GPR137C: variants seen among roughly 807,000 people sequenced by gnomAD.
GPR137C encodes the protein G protein-coupled receptor 137C.
In GPR137C, 27 loss-of-function variants were observed where a neutral mutation model predicts 43.4. The observed-to-expected ratio is 0.62, with a 90% CI of 0.46 to 0.86. The LOEUF (loss-of-function observed/expected upper bound fraction) is 0.86. GPR137C is among the 40% of genes least tolerant of loss of function. The probability of loss-of-function intolerance (pLI) is 0.00; values close to 1 mark genes in which losing one functional copy is unlikely to be tolerated. For synonymous variants in GPR137C, 285 were observed against 226.9 expected (o/e 1.26, Z -2.30); for missense variants, 522 against 534.6 (o/e 0.98, Z 0.23).
chr14:52,565,798 G>GT (rs1324645518), intron 1 of GPR137C, among the ~76,000 whole-genome samples: 2 of 152,142 alleles, frequency 1.3e-5, no homozygotes, highest in Non-Finnish European at 2.9e-5. Flanking sequence ...TTTGGTAAAG[G>GT]GGTATGTTTA....
intron 1 of GPR137C, among the ~76,000 whole-genome samples, chr14:52,585,422 T>C (rs948799323): frequency 3.9e-5 from 6 of 152,202 alleles, no homozygotes; most frequent in Non-Finnish European, 1.5e-5. Context: ...CCACTCTCCA[T>C]CTTCTACTTC....
chr14:52,597,943 A>G (rs2038876307), intron 1 of GPR137C, among the ~76,000 whole-genome samples: 2 of 152,228 alleles, frequency 1.3e-5, no homozygotes, highest in African/African-American at 4.8e-5. Context: ...CATGACTAAT[A>G]TAATGAAGTT....
rs1428404342 is a variant in GPR137C, at chr14:52,553,534, C to T, written c.387C>T (p.Cys129=). The T allele has an allele frequency of 1.2e-6, 2 of 1,609,420 alleles. No homozygotes were observed. The highest frequency in any genetic ancestry group is 1.7e-6 in the Non-Finnish European group (2 of 1,179,484). The stretch of plus-strand genomic sequence containing the variant: ...TCTTCCCCCACTGGCTGCTCTACTG[C>T]TTCCCCTCCTGTCTCCAGTTCTCCA... ...LHFFPHWLLY[C]FPSCLQFSTL... is the part of the protein sequence containing the mutation. Residue 129 remains cysteine (C), a synonymous_variant, in exon 1 of 7, where the codon TGC becomes TGT. Coordinates refer to ENST00000321662, the MANE Select transcript of GPR137C (RefSeq NM_001099652.2).
At chr14:52,630,832 A>T (rs921970688) in intron 3 of GPR137C, among the ~76,000 whole-genome samples, 2 of 152,170 alleles carry the variant, frequency 1.3e-5, no homozygotes, top group African/African-American at 4.8e-5. Context: ...TTGTAACATA[A>T]AGAGGAAATA....
At position 52,611,661 on chromosome 14, in the gene GPR137C, T is replaced by C. The variant is rs892105808; in HGVS notation, c.717+11320T>C. 2.2e-5 allele frequency: 12 copies of C among 543,818 alleles called. No individual in the cohort carries two copies. The African/African-American group carries it at 2.2e-4, about 10-fold the overall frequency. 33.7% of individuals were successfully genotyped at this position (543,818 alleles called of 1,614,324 possible). A position where few individuals can be genotyped will look rare whatever the true frequency, so the allele number is the denominator to read the frequency against. On this transcript the variant is annotated intron_variant, in intron 3 of 6. Transcript: ENST00000321662. ...CTTTTCAGGTTTCAGGATATAAATGTATTTATTTCAAATAAATTGTACACT... is the reference window on the plus strand; with the variant it reads ...CTTTTCAGGTTTCAGGATATAAATGCATTTATTTCAAATAAATTGTACACT...
At chr14:52,632,611 T>C (rs2039308167) in intron 4 of GPR137C, among the ~76,000 whole-genome samples, 1 of 152,142 alleles carries the variant, frequency 6.6e-6, no homozygotes, top group Non-Finnish European at 1.5e-5. Context: ...GATGTTTAAA[T>C]ATTTCTAGAT....
intron 1 of GPR137C, among the ~76,000 whole-genome samples, chr14:52,572,436 G>A (rs981614176): frequency 6.6e-6 from 1 of 152,198 alleles, no homozygotes; most frequent in Non-Finnish European, 1.5e-5. Context: ...TGCAAGGCTG[G>A]TTCAACATAT....
intron 1 of GPR137C, among the ~76,000 whole-genome samples, chr14:52,587,231 T>A (rs2038725167): frequency 6.6e-6 from 1 of 152,210 alleles, no homozygotes. Flanking sequence ...ATGGTCTTTC[T>A]TAAGAGAGAA....
intron 3 of GPR137C, chr14:52,613,366 A>T (rs749895538): frequency 6.6e-6 from 1 of 152,220 alleles, no homozygotes; most frequent in Non-Finnish European, 1.5e-5. Flanking sequence ...CAATTCAATT[A>T]TACCCTTTTA....
intron 1 of GPR137C, among the ~76,000 whole-genome samples, chr14:52,572,891 C>A (rs1211866023): frequency 6.6e-6 from 1 of 152,180 alleles, no homozygotes; most frequent in African/African-American, 2.4e-5. Context: ...CAAGCAACTT[C>A]AGCAAAGTCT....
chr14:52,630,337 T>C (rs2039280258), intron 3 of GPR137C, among the ~76,000 whole-genome samples: 1 of 152,168 alleles, frequency 6.6e-6, no homozygotes, highest in South Asian at 2.1e-4. Flanking sequence ...TTTGCAGTTA[T>C]TTTTGAGGAT....
intron 1 of GPR137C, among the ~76,000 whole-genome samples, chr14:52,585,888 C>T (rs1028094114): frequency 1.3e-5 from 2 of 152,084 alleles, no homozygotes; most frequent in African/African-American, 4.8e-5. Context: ...GAGTGAAAGA[C>T]CGTTTATCAC....
At chr14:52,558,442 G>A (rs1372100700) in intron 1 of GPR137C, among the ~76,000 whole-genome samples, 1 of 152,164 alleles carries the variant, frequency 6.6e-6, no homozygotes, top group African/African-American at 2.4e-5. Context: ...CAAGTTTGAA[G>A]CCTAAATTCA....
chr14:52,572,165 G>A (rs911408988), intron 1 of GPR137C, among the ~76,000 whole-genome samples: 1 of 152,128 alleles, frequency 6.6e-6, no homozygotes, highest in African/African-American at 2.4e-5. Flanking sequence ...CTTTACCAGA[G>A]GTACAAAGAG....
intron 3 of GPR137C, among the ~76,000 whole-genome samples, chr14:52,604,802 T>C (rs2038966474): frequency 6.6e-6 from 1 of 152,124 alleles, no homozygotes; most frequent in South Asian, 2.1e-4. Context: ...CCCAGCACCA[T>C]TTATTGAGAT....
intron 3 of GPR137C, among the ~76,000 whole-genome samples, chr14:52,620,404 G>A (rs1386887411): frequency 6.6e-6 from 1 of 151,998 alleles, no homozygotes; most frequent in African/African-American, 2.4e-5. Flanking sequence ...ACGTATGGGG[G>A]ACAGAGTTTG....
chr14:52,585,834 CA>C (rs1442736810), intron 1 of GPR137C, among the ~76,000 whole-genome samples: 4 of 143,558 alleles, frequency 2.8e-5, no homozygotes, highest in Admixed American at 7.0e-5. Context: ...GACTCAGTCT[CA>C]AAAAAAAAAG....
At chr14:52,592,465 A>G (rs555002505) in intron 1 of GPR137C, among the ~76,000 whole-genome samples, 3 of 152,338 alleles carry the variant, frequency 2.0e-5, no homozygotes, top group Non-Finnish European at 4.4e-5. Flanking sequence ...ATCCATGAGC[A>G]TGGAATGTTC....
At chr14:52,598,744 A>G (rs2038888144) in intron 2 of GPR137C, among the ~76,000 whole-genome samples, 1 of 152,190 alleles carries the variant, frequency 6.6e-6, no homozygotes, top group South Asian at 2.1e-4. Flanking sequence ...TTTCCAACCC[A>G]ATTTTCCCAC....
Sources: gnomAD v4.1 joint callset for allele counts (sites outside exome capture counted in the v4.1 genomes callset) on GRCh38, gnomAD v4.1.1 for gene constraint, MANE v1.5 for transcripts, NCBI Gene and HGNC (gene_info 2026-07-23, HGNC 2026-07-21) for gene names.